BMPR1B: variants seen among roughly 807,000 people sequenced by gnomAD.
BMPR1B encodes bone morphogenetic protein receptor type-1B.
A neutral mutation model predicts 59.1 loss-of-function variants in BMPR1B; 12 were observed. The observed-to-expected ratio is 0.20, with a 90% CI of 0.13 to 0.33. The LOEUF (loss-of-function observed/expected upper bound fraction) is 0.33, where lower values mean the gene tolerates loss of function less well. Ranked by LOEUF, BMPR1B falls within the 10% of genes least tolerant of loss-of-function variation. BMPR1B has a pLI of 1.00. For missense variants in BMPR1B, 550 were observed against 610.9 expected (o/e 0.90, Z 1.05); for synonymous variants, 237 against 207.3 (o/e 1.14, Z -1.23).
chr4:95,038,946 T>C (rs898011542), intron 3 of BMPR1B, among the ~76,000 whole-genome samples: 1 of 152,186 alleles, frequency 6.6e-6, no homozygotes, highest in Admixed American at 6.5e-5. Flanking sequence ...GCATAAACCT[T>C]AGGATAACTC....
At chr4:95,026,130 CTTTCTTTCTTTCTTTCTTTCTTTCTT>C (rs1560603024) in intron 3 of BMPR1B, among the ~76,000 whole-genome samples, 2 of 146,436 alleles carry the variant, frequency 1.4e-5, no homozygotes, top group Admixed American at 6.9e-5. Flanking sequence ...TTCTTTCTTT[CTTTCTTTCTTTCTTTCTTTCTTTCTT>C]TCTTTCTCTT....
At chr4:95,094,437 A>G (rs1246734703) in intron 3 of BMPR1B, among the ~76,000 whole-genome samples, 1 of 152,162 alleles carries the variant, frequency 6.6e-6, no homozygotes, top group East Asian at 1.9e-4. Flanking sequence ...TAGGGGAGAA[A>G]AGGAAAGGAA....
intron 2 of BMPR1B, among the ~76,000 whole-genome samples, chr4:94,938,586 A>G (rs1729401677): frequency 6.6e-6 from 1 of 152,330 alleles, no homozygotes; most frequent in Non-Finnish European, 1.5e-5. Flanking sequence ...TTGTTGAAGC[A>G]TGTTGAATTG....
intron 1 of BMPR1B, among the ~76,000 whole-genome samples, chr4:94,844,531 T>C (rs1190713868): frequency 1.3e-5 from 2 of 152,090 alleles, no homozygotes; most frequent in African/African-American, 2.4e-5. Context: ...TGTGGGAGGA[T>C]CCAAGTCATT....
intron 2 of BMPR1B, among the ~76,000 whole-genome samples, chr4:94,911,289 C>T (rs138391535): frequency 7.0e-4 from 107 of 152,214 alleles, no homozygotes; most frequent in African/African-American, 2.4e-3. Flanking sequence ...GTGAAAAGGG[C>T]AAGACATAGC....
In BMPR1B at chr4:94,918,953, A is replaced by G. The variant is rs75354944; in HGVS notation, c.-113+43053A>G. Among the ~76,000 whole-genome samples, 312 of 152,042 alleles carry G rather than the reference A, an allele frequency of 2.1e-3. 1 individual carries two copies. Among genetic ancestry groups the G allele is most frequent in the African/African-American group, 6.5e-3 (269 of 41,474 alleles). ...GCTGTTGGGAACCTGGCTTTATACA[A>G]AGTTTAAACATGTGTCTGCTGAGGA... On this transcript the variant is annotated intron_variant, in intron 2 of 12. Coordinates refer to ENST00000515059, the MANE Select transcript of BMPR1B (RefSeq NM_001203.3).
intron 6 of BMPR1B, among the ~76,000 whole-genome samples, chr4:95,119,625 C>A (rs182299675): frequency 7.0e-4 from 107 of 152,250 alleles, no homozygotes; most frequent in African/African-American, 2.5e-3. Flanking sequence ...TGTCAAGTTC[C>A]TGAGCTCCCT....
At chr4:94,924,871 ATCT>A (rs1195930705) in intron 2 of BMPR1B, among the ~76,000 whole-genome samples, 4 of 152,134 alleles carry the variant, frequency 2.6e-5, no homozygotes, top group Non-Finnish European at 5.9e-5. Context: ...GAGCCAAAAA[ATCT>A]TCTTCATGTT....
chr4:94,876,762 A>G (rs1010891180), intron 2 of BMPR1B, among the ~76,000 whole-genome samples: 39 of 152,290 alleles, frequency 2.6e-4, no homozygotes, highest in Admixed American at 6.5e-4. Flanking sequence ...TACTTTTGAT[A>G]TATCTTTTCT....
At chr4:95,151,129 A>G (rs894364414) in intron 11 of BMPR1B, among the ~76,000 whole-genome samples, 5 of 152,198 alleles carry the variant, frequency 3.3e-5, no homozygotes, top group Admixed American at 2.6e-4. Context: ...CTTTTAAAGG[A>G]GAAGAAAGAC....
chr4:94,990,582 A>G (rs574536636), intron 2 of BMPR1B, among the ~76,000 whole-genome samples: 25 of 152,360 alleles, frequency 1.6e-4, no homozygotes, highest in African/African-American at 5.8e-4. Context: ...TGAGGAAACT[A>G]AGTCACATAT....
intron 3 of BMPR1B, among the ~76,000 whole-genome samples, chr4:95,102,806 T>G (rs1730919491): frequency 6.6e-6 from 1 of 152,096 alleles, no homozygotes; most frequent in Non-Finnish European, 1.5e-5. Flanking sequence ...TGGGAGTAAT[T>G]GTGTGGTTGG....
At chr4:95,089,077 ATTGT>A (rs1729797174) in intron 3 of BMPR1B, among the ~76,000 whole-genome samples, 1 of 152,106 alleles carries the variant, frequency 6.6e-6, no homozygotes, top group African/African-American at 2.4e-5. Flanking sequence ...TAGTATTATG[ATTGT>A]TTGGGATCAC....
intron 2 of BMPR1B, among the ~76,000 whole-genome samples, chr4:94,879,718 T>C (rs1450569758): frequency 6.6e-6 from 1 of 152,204 alleles, no homozygotes; most frequent in African/African-American, 2.4e-5. Context: ...TTTTTCCCCA[T>C]TATTATAGAA....
intron 2 of BMPR1B, among the ~76,000 whole-genome samples, chr4:94,902,299 G>A: frequency 7.8e-6 from 1 of 127,484 alleles, no homozygotes. Flanking sequence ...GAGAGAAGAT[G>A]GGGAAAAAAA....
At chr4:94,895,826 A>ACT (rs1387367002) in intron 2 of BMPR1B, among the ~76,000 whole-genome samples, 1 of 151,978 alleles carries the variant, frequency 6.6e-6, no homozygotes, top group Non-Finnish European at 1.5e-5. Flanking sequence ...TGCTTTAGTT[A>ACT]ATGCTAAAAC....
chr4:94,826,124 A>C (rs190515170), intron 1 of BMPR1B, among the ~76,000 whole-genome samples: 107 of 152,356 alleles, frequency 7.0e-4, no homozygotes, highest in African/African-American at 2.6e-3. Context: ...GTCAATAGAT[A>C]AATTGACAGA....
intron 3 of BMPR1B, among the ~76,000 whole-genome samples, chr4:95,028,007 G>A (rs1415427794): frequency 6.6e-6 from 1 of 152,062 alleles, no homozygotes; most frequent in African/African-American, 2.4e-5. Context: ...GAAAGGCAGG[G>A]CCAAAAGCAC....
chr4:94,816,060 C>T (rs1031972024), intron 1 of BMPR1B, among the ~76,000 whole-genome samples: 1 of 152,040 alleles, frequency 6.6e-6, no homozygotes, highest in Admixed American at 6.6e-5. Flanking sequence ...TTTTCTCTTT[C>T]TTTTACTTAT....
Sources: allele counts gnomAD v4.1 joint callset (sites outside exome capture counted in the v4.1 genomes callset), GRCh38; gene constraint gnomAD v4.1.1; transcripts MANE v1.5; gene names NCBI Gene and HGNC (gene_info 2026-07-23, HGNC 2026-07-21).